The following NUDC variants were observed in gnomAD, a reference collection of about 807,000 sequenced individuals.
NUDC encodes nuclear migration protein nudC.
A neutral mutation model predicts 45.0 loss-of-function variants in NUDC; 14 were observed. That is an observed-to-expected ratio of 0.31 (90% confidence interval 0.21 to 0.49). The LOEUF is 0.49. Ranked by LOEUF, NUDC falls within the 20% of genes least tolerant of loss-of-function variation. The probability of loss-of-function intolerance (pLI) is 0.99; values close to 1 mark genes in which losing one functional copy is unlikely to be tolerated. For synonymous variants in NUDC, 153 were observed against 156.7 expected, an observed-to-expected ratio of 0.98 and a Z score of 0.17; for missense variants, 323 against 426.2, an observed-to-expected ratio of 0.76 and a Z score of 2.13.
intron 3 of NUDC, among the ~76,000 whole-genome samples, chr1:26,915,407 G>A (rs899846161): frequency 2.0e-5 from 3 of 152,156 alleles, no homozygotes; most frequent in Non-Finnish European, 2.9e-5. Context: ...CTGCTGCCAC[G>A]TGGCTCCTCT....
chr1:26,916,328 A>G (rs2124079132), intron 3 of NUDC, among the ~76,000 whole-genome samples: 1 of 151,986 alleles, frequency 6.6e-6, no homozygotes, highest in African/African-American at 2.4e-5. Flanking sequence ...TCAAGGCTAC[A>G]GTGAGTTATG....
intron 4 of NUDC, 95 bp from the exon 5 acceptor site, chr1:26,942,565 G>A: frequency 1.9e-6 from 3 of 1,565,976 alleles, no homozygotes; most frequent in Non-Finnish European, 2.6e-6. Context: ...TTTTGTGGCT[G>A]TATGCCCAGT....
At chr1:26,917,280 G>A (rs1453972884), upstream of NUDC, among the ~76,000 whole-genome samples, 1 of 149,028 alleles carries the variant, frequency 6.7e-6, no homozygotes, top group Non-Finnish European at 1.5e-5. Context: ...ATAATAATAG[G>A]GCTGGATGTG....
In NUDC at chr1:26,946,828, G is replaced by C. The variant is rs2082320578; in HGVS notation, c.*647G>C. 1 of 155,918 alleles carries C rather than the reference G, an allele frequency of 6.4e-6. No homozygotes were observed. Among genetic ancestry groups the C allele is most frequent in the Non-Finnish European group, 1.4e-5 (1 of 70,368 alleles). 9.7% of individuals were successfully genotyped at this position (155,918 alleles called of 1,614,324 possible). The stretch of plus-strand genomic sequence containing the variant: ...GATTGCACTACTTCACTCCAGCATG[G>C]GTGACAGAGACTCCATCTCAAAAAA... On this transcript the variant is annotated 3_prime_UTR_variant, in exon 9 of 9. Coordinates refer to ENST00000321265, the MANE Select transcript of NUDC (RefSeq NM_006600.4).
chr1:26,936,944 C>T (rs901595593), intron 2 of NUDC, among the ~76,000 whole-genome samples: 2 of 152,128 alleles, frequency 1.3e-5, no homozygotes, highest in Admixed American at 1.3e-4. Context: ...AGGACTCAGT[C>T]CCATAAGACA....
In NUDC at chr1:26,927,214, C is replaced by G. The variant is rs536589439; in HGVS notation, c.159+3048C>G. On this transcript the variant is annotated intron_variant, in intron 2 of 8. Transcript: ENST00000321265. ...TGTGTGTGTGTGTCAGGGTCTTGCT[C>G]TGTTGTCCCAGCTGGAGCACAGTGG... Among the ~76,000 whole-genome samples the G allele has an allele frequency of 2.2e-4, 27 of 123,744 alleles. No homozygotes were observed. In the South Asian group the frequency reaches 2.3e-3, roughly 11 times the overall value. 81.2% of individuals were successfully genotyped at this position (123,744 alleles called of 152,430 possible).
chr1:26,934,362 G>C (rs1338199647), intron 2 of NUDC, among the ~76,000 whole-genome samples: 4 of 152,158 alleles, frequency 2.6e-5, no homozygotes, highest in African/African-American at 9.7e-5. Context: ...AAACCATCCT[G>C]GTGATTCAGT....
chr1:26,944,529 C>T (rs747626144), intron 6 of NUDC, among the ~76,000 whole-genome samples: 12 of 151,832 alleles, frequency 7.9e-5, no homozygotes, highest in Non-Finnish European at 1.6e-4. Context: ...TCTGGCTGGG[C>T]GTGGTAGCTC....
At chr1:26,923,278 C>T (rs1054084312) in intron 1 of NUDC, among the ~76,000 whole-genome samples, 3 of 152,156 alleles carry the variant, frequency 2.0e-5, no homozygotes, top group African/African-American at 7.2e-5. Flanking sequence ...CTCACCAGGT[C>T]CCTAGAAATA....
chr1:26,917,969 T>C (rs948480479), upstream of NUDC, among the ~76,000 whole-genome samples: 1 of 148,616 alleles, frequency 6.7e-6, no homozygotes, highest in Non-Finnish European at 1.5e-5. Flanking sequence ...AGCTAATGAA[T>C]GTGTACACAC....
chr1:26,919,291 A>C (rs780177785), upstream of NUDC, among the ~76,000 whole-genome samples: 5 of 152,024 alleles, frequency 3.3e-5, no homozygotes, highest in African/African-American at 1.2e-4. Flanking sequence ...ACATGTGCAC[A>C]ACGTGCAGGT....
intron 6 of NUDC, among the ~76,000 whole-genome samples, chr1:26,944,966 C>T (rs570481947): frequency 1.4e-4 from 22 of 152,230 alleles, no homozygotes; most frequent in African/African-American, 4.3e-4. Flanking sequence ...TGCTTGAACC[C>T]GGGAGGCAGA....
chr1:26,909,109 C>T lies in NUDC; in HGVS notation c.-15-2019C>T, dbSNP rs143890896. 1.9e-3 allele frequency among the ~76,000 whole-genome samples: 294 copies of T among 152,124 alleles called. 3 individuals are homozygous for T. The highest frequency in any genetic ancestry group is 6.8e-3 in the African/African-American group (283 of 41,506). ...CCTGTCTCAGCCTCCCAAGTAGCTG[C>T]GATTACAGGTGAGTGCTGCCATGCC... is the stretch of plus-strand genomic sequence containing the variant. On this transcript the variant is annotated intron_variant, in intron 2 of 6. Coordinates refer to the NUDC transcript ENST00000435827.
intron 2 of NUDC, among the ~76,000 whole-genome samples, chr1:26,929,550 G>A (rs2082163653): frequency 6.6e-6 from 1 of 152,142 alleles, no homozygotes; most frequent in Non-Finnish European, 1.5e-5. Context: ...CAAATAAAAT[G>A]CCATTTTATA....
chr1:26,913,488 G>A, intron 3 of NUDC: 1 of 1,613,880 alleles, frequency 6.2e-7, no homozygotes, highest in Non-Finnish European at 8.5e-7. Flanking sequence ...ACTCCAGACA[G>A]CATTGAAGCC....
chr1:26,924,803 G>A (rs867092846), intron 2 of NUDC, among the ~76,000 whole-genome samples: 3 of 151,452 alleles, frequency 2.0e-5, no homozygotes, highest in South Asian at 2.1e-4. Context: ...CACCCGCCTC[G>A]GCCTCCCAAA....
intron 2 of NUDC, among the ~76,000 whole-genome samples, chr1:26,939,321 A>G (rs746183918): frequency 1.3e-5 from 2 of 151,852 alleles, no homozygotes; most frequent in Non-Finnish European, 2.9e-5. Context: ...CCTGGCCAAG[A>G]CTGTTTTTAG....
At chr1:26,929,557 T>C (rs1489398267) in intron 2 of NUDC, 2 of 193,942 alleles carry the variant, frequency 1.0e-5, no homozygotes, top group African/African-American at 4.6e-5. Flanking sequence ...AATGCCATTT[T>C]ATATAAGGGA....
chr1:26,927,009 A>G (rs1352780160), intron 2 of NUDC, among the ~76,000 whole-genome samples: 1 of 152,198 alleles, frequency 6.6e-6, no homozygotes, highest in Non-Finnish European at 1.5e-5. Flanking sequence ...CTTTGTTTTC[A>G]TGGATCTCAC....
Sources: gnomAD v4.1 joint callset for allele counts (sites outside exome capture counted in the v4.1 genomes callset) on GRCh38, gnomAD v4.1.1 for gene constraint, MANE v1.5 for transcripts, NCBI Gene and HGNC (gene_info 2026-07-23, HGNC 2026-07-21) for gene names.